The following SOS1 variants were observed in gnomAD, a reference collection of about 807,000 sequenced individuals.
SOS1 encodes the protein son of sevenless homolog 1.
In SOS1, 25 loss-of-function variants were observed where a neutral mutation model predicts 157.6. The ratio of observed to expected loss-of-function variants is 0.16; its 90% CI spans 0.12 to 0.22. SOS1 has a LOEUF of 0.22. Among genes scored for constraint, SOS1 ranks in the 10% least tolerant of loss-of-function variants. The pLI, the probability that SOS1 is intolerant of heterozygous loss-of-function variation, is 1.00. For missense variants in SOS1, 1,237 were observed against 1,599.1 expected (o/e 0.77, Z 3.86); for synonymous variants, 528 against 534.0 (o/e 0.99, Z 0.16).
chr2:39,033,107 T>C (rs771099645), intron 8 of SOS1, among the ~76,000 whole-genome samples: 13 of 150,968 alleles, frequency 8.6e-5, no homozygotes, highest in Non-Finnish European at 1.8e-4. Flanking sequence ...TTTTGCTCTT[T>C]TTGCCCAGGC....
At chr2:39,067,435 A>C (rs550331626) in intron 2 of SOS1, among the ~76,000 whole-genome samples, 193 bp downstream of exon 2, 52 of 152,228 alleles carry the variant, frequency 3.4e-4, no homozygotes, top group African/African-American at 7.0e-4. Flanking sequence ...CAAAAAAAAA[A>C]CCTCAAAATC....
Position 38,984,593 on chromosome 2 carries a change from A to G in SOS1, c.*1231T>C, listed in dbSNP as rs547255951. 1 of 152,290 alleles carries G rather than the reference A, an allele frequency of 6.6e-6. No individual in the cohort carries two copies. The highest frequency in any genetic ancestry group is 2.1e-4 in the South Asian group (1 of 4,830). 9.4% of individuals were successfully genotyped at this position (152,290 alleles called of 1,614,324 possible). ...GACTTTAGATCATTCTTTAAGATTA[A>G]TACATATATCCAGAACTAGAAACCA... On this transcript the variant is annotated 3_prime_UTR_variant, in exon 23 of 23. Transcript: ENST00000402219.
rs116347582 is a variant in SOS1 at position 39,046,262 on chromosome 2, G to A, written c.864+4882C>T. 2.1e-3 allele frequency among the ~76,000 whole-genome samples: 313 copies of A among 151,480 alleles called. 1 individual carries two copies. The highest frequency in any genetic ancestry group is 3.4e-3 in the Non-Finnish European group (233 of 67,898). On this transcript the variant is annotated intron_variant, in intron 6 of 22. Coordinates refer to ENST00000402219, the MANE Select transcript of SOS1 (RefSeq NM_005633.4). ...TATTTCTGTTCTTTTGGTGATTTTC[G>A]TACATGTTTTTAAAAATAAATACGG...
rs886056009 is a variant in SOS1 at position 38,983,606 on chromosome 2, A to T, written c.*2218T>A. ...TTGAAGGCTAACACATTAGCCGAAG[A>T]CATACTGAAGGGGGTCCAATGTGAC... On this transcript the variant is annotated 3_prime_UTR_variant, in exon 23 of 23. Transcript: ENST00000402219. The T allele has an allele frequency of 1.3e-5, 2 of 152,182 alleles. No homozygotes were observed. Among genetic ancestry groups the T allele is most frequent in the East Asian group, 3.8e-4 (2 of 5,200 alleles). The allele number at this position is 152,182 out of a possible 1,614,324, so 9.4% of individuals were successfully genotyped here.
At chr2:39,057,510 C>A (rs1671252351) in intron 3 of SOS1, among the ~76,000 whole-genome samples, 1 of 151,956 alleles carries the variant, frequency 6.6e-6, no homozygotes, top group Non-Finnish European at 1.5e-5. Flanking sequence ...TCCAAACAAC[C>A]CATTTAAGGG....
chr2:39,081,775 C>CA (rs1271288892), intron 1 of SOS1, among the ~76,000 whole-genome samples: 1 of 150,972 alleles, frequency 6.6e-6, no homozygotes, highest in East Asian at 2.0e-4. Context: ...CAATTAGCAT[C>CA]AGTGCACTCC....
At chr2:39,118,104 G>T (rs922640943) in intron 1 of SOS1, among the ~76,000 whole-genome samples, 34 of 152,178 alleles carry the variant, frequency 2.2e-4, no homozygotes, top group African/African-American at 8.0e-4. Flanking sequence ...AAAATTCACA[G>T]AGCTAGGACA....
chr2:39,003,550 C>T (rs1669180760), intron 17 of SOS1, among the ~76,000 whole-genome samples: 1 of 151,940 alleles, frequency 6.6e-6, no homozygotes, highest in African/African-American at 2.4e-5. Flanking sequence ...ATTTAGAAAA[C>T]CCAAGGAAAT....
chr2:39,071,312 A>G (rs1671784872), intron 1 of SOS1, among the ~76,000 whole-genome samples: 1 of 152,184 alleles, frequency 6.6e-6, no homozygotes, highest in South Asian at 2.1e-4. Flanking sequence ...TCTGCGGAGT[A>G]CCCTAGTGTA....
rs57338404 is a variant in SOS1 at position 39,003,066 on chromosome 2, C to CAAA, written c.2791+3343_2791+3345dup. On this transcript the variant is annotated intron_variant, in intron 17 of 22. Coordinates refer to ENST00000402219, the MANE Select transcript of SOS1 (RefSeq NM_005633.4). ...TGGGTGATAAAGTGAGACCTTGTAT[C>CAAA]AAAAAAAAAAAAGAACGTAGGGGTA... is the stretch of plus-strand genomic sequence containing the variant. Among the ~76,000 whole-genome samples, 25 of 72,312 alleles carry CAAA rather than the reference C, an allele frequency of 3.5e-4. No homozygotes were observed. In the East Asian group the frequency reaches 5.8e-3, roughly 17 times the overall value. 47.4% of individuals were successfully genotyped at this position (72,312 alleles called of 152,430 possible). A position where few individuals can be genotyped will look rare whatever the true frequency, so the allele number is the denominator to read the frequency against.
At chr2:39,095,690 A>G (rs1463291687) in intron 1 of SOS1, among the ~76,000 whole-genome samples, 1 of 152,226 alleles carries the variant, frequency 6.6e-6, no homozygotes, top group Non-Finnish European at 1.5e-5. Context: ...TCTGAGATAA[A>G]AATTATTTCA....
At chr2:39,001,573 G>C (rs1669100928) in intron 17 of SOS1, among the ~76,000 whole-genome samples, 1 of 152,162 alleles carries the variant, frequency 6.6e-6, no homozygotes, top group African/African-American at 2.4e-5. Flanking sequence ...TACTATCCCT[G>C]ACCCTCCCCC....
intron 1 of SOS1, among the ~76,000 whole-genome samples, chr2:39,070,540 G>A (rs187008527): frequency 6.6e-6 from 1 of 151,988 alleles, no homozygotes; most frequent in Non-Finnish European, 1.5e-5. Flanking sequence ...CACCTGCATG[G>A]ATAACCCCAA....
upstream of SOS1, among the ~76,000 whole-genome samples, chr2:39,124,500 G>C (rs1481607664): frequency 6.6e-6 from 1 of 152,252 alleles, no homozygotes; most frequent in Non-Finnish European, 1.5e-5. Context: ...GGCGAGGACG[G>C]GGGCGGGGGT....
chr2:39,037,159 C>G (rs954830711), intron 6 of SOS1, among the ~76,000 whole-genome samples: 1 of 152,148 alleles, frequency 6.6e-6, no homozygotes, highest in Non-Finnish European at 1.5e-5. Context: ...CTAAAAATTG[C>G]TATCATAATA....
chr2:38,995,119 C>T lies in SOS1; in HGVS notation c.3346+4G>A, dbSNP rs1204153026. On this transcript the variant is annotated splice_donor_region_variant and intron_variant, in intron 20 of 22. Transcript: ENST00000402219. ...CTTAATGCACTTAGAATTTTTGCAC[C>T]TACTTGAGTGAAAAGGGCTCGAATG... 1 of 1,613,472 alleles carries T rather than the reference C, an allele frequency of 6.2e-7. No homozygotes were observed. Among genetic ancestry groups the T allele is most frequent in the South Asian group, 1.1e-5 (1 of 90,960 alleles).
At chr2:39,036,308 A>G (rs1472112771) in intron 6 of SOS1, among the ~76,000 whole-genome samples, 1 of 152,150 alleles carries the variant, frequency 6.6e-6, no homozygotes, top group Non-Finnish European at 1.5e-5. Flanking sequence ...AAACAACGAA[A>G]GGTTGTTATG....
chr2:39,031,717 C>G (rs1259627458), intron 8 of SOS1, among the ~76,000 whole-genome samples: 2 of 152,006 alleles, frequency 1.3e-5, no homozygotes, highest in African/African-American at 2.4e-5. Flanking sequence ...GAGTGAGACT[C>G]TGTCTCAAAA....
intron 2 of SOS1, among the ~76,000 whole-genome samples, chr2:39,062,345 G>C (rs1671433902): frequency 6.6e-6 from 1 of 150,498 alleles, no homozygotes; most frequent in Non-Finnish European, 1.5e-5. Context: ...TTGAACCTGG[G>C]AGGCGAAAGT....
Sources: gnomAD v4.1 joint callset for allele counts (sites outside exome capture counted in the v4.1 genomes callset) on GRCh38, gnomAD v4.1.1 for gene constraint, MANE v1.5 for transcripts, NCBI Gene and HGNC (gene_info 2026-07-23, HGNC 2026-07-21) for gene names.